OPRM1: variants seen among roughly 807,000 people sequenced by gnomAD.
OPRM1 encodes mu-type opioid receptor.
In OPRM1, 27 loss-of-function variants were observed where a neutral mutation model predicts 31.8. The observed-to-expected ratio is 0.85, with a 90% CI of 0.63 to 1.17. The LOEUF (loss-of-function observed/expected upper bound fraction) is 1.17. OPRM1 is among the 50% of genes most tolerant of loss of function. The pLI is 0.00. For missense variants in OPRM1, 536 were observed against 511.1 expected (o/e 1.05, Z -0.47); for synonymous variants, 196 against 189.9 (o/e 1.03, Z -0.26).
intron 3 of OPRM1, among the ~76,000 whole-genome samples, chr6:154,146,633 A>G (rs1798365020): frequency 6.6e-6 from 1 of 152,236 alleles, no homozygotes; most frequent in Non-Finnish European, 1.5e-5. Flanking sequence ...AAGTTAGGGA[A>G]AAGAGCATTT....
intron 1 of OPRM1, among the ~76,000 whole-genome samples, chr6:154,041,029 T>TA (rs1779950090): frequency 6.6e-6 from 1 of 152,182 alleles, no homozygotes; most frequent in Non-Finnish European, 1.5e-5. Flanking sequence ...CATATTTAGT[T>TA]ACAATGTTTG....
intron 1 of OPRM1, among the ~76,000 whole-genome samples, chr6:154,017,430 G>A (rs1778068773): frequency 6.6e-6 from 1 of 152,030 alleles, no homozygotes; most frequent in Non-Finnish European, 1.5e-5. Context: ...AATGGCACTG[G>A]GGCACAGGCG....
intron 3 of OPRM1, among the ~76,000 whole-genome samples, chr6:154,220,367 G>A (rs1041363318): frequency 1.3e-5 from 2 of 152,218 alleles, no homozygotes; most frequent in African/African-American, 4.8e-5. Flanking sequence ...GATTCAAACA[G>A]CCATTGTTGA....
chr6:154,195,791 ATTTTTTT>A (rs34769762), intron 3 of OPRM1, among the ~76,000 whole-genome samples: 1 of 130,572 alleles, frequency 7.7e-6, no homozygotes, highest in Admixed American at 7.5e-5. Context: ...CTTGTTCACA[ATTTTTTT>A]TTTTTTTTTT....
At chr6:154,230,415 A>C (rs905627543) in intron 3 of OPRM1, among the ~76,000 whole-genome samples, 6 of 152,248 alleles carry the variant, frequency 3.9e-5, no homozygotes, top group African/African-American at 1.2e-4. Flanking sequence ...AAATTAACTA[A>C]AACAGGACAT....
At chr6:154,222,466 A>C (rs1778941836) in intron 3 of OPRM1, among the ~76,000 whole-genome samples, 1 of 152,262 alleles carries the variant, frequency 6.6e-6, no homozygotes, top group Non-Finnish European at 1.5e-5. Flanking sequence ...CAAAGGTAGA[A>C]GAAATAATAA....
chr6:154,074,981 A>G (rs1236346258), intron 1 of OPRM1, among the ~76,000 whole-genome samples: 1 of 152,186 alleles, frequency 6.6e-6, no homozygotes, highest in Non-Finnish European at 1.5e-5. Context: ...AAGGGATGAG[A>G]CTGAACTGAT....
At chr6:154,079,342 A>G (rs1380993344) in intron 1 of OPRM1, among the ~76,000 whole-genome samples, 4 of 152,204 alleles carry the variant, frequency 2.6e-5, no homozygotes, top group African/African-American at 9.7e-5. Context: ...GAGGAGGTCA[A>G]TGGAGTTGGG....
rs982006676 is a variant in OPRM1 at position 154,123,953 on chromosome 6, C to T, written c.*5232C>T. Among the ~76,000 whole-genome samples the T allele has an allele frequency of 2.0e-5, 3 of 152,152 alleles. No homozygotes were observed. Among genetic ancestry groups the T allele is most frequent in the African/African-American group, 7.2e-5 (3 of 41,430 alleles). On this transcript the variant is annotated 3_prime_UTR_variant, in exon 4 of 4. Transcript: ENST00000330432. Reference sequence around the variant, plus strand: ...GCCAACCTCCTATCTCTTCCTGTGACTTGGAATGCCTAACCTCCTGGGAAT... The same window carrying T: ...GCCAACCTCCTATCTCTTCCTGTGATTTGGAATGCCTAACCTCCTGGGAAT...
At chr6:154,226,338 C>G (rs761405447) in intron 3 of OPRM1, among the ~76,000 whole-genome samples, 16 of 152,288 alleles carry the variant, frequency 1.1e-4, no homozygotes, top group Admixed American at 7.8e-4. Context: ...TTCCCATGGG[C>G]CCCGCAAGAG....
chr6:154,110,089 C>G (rs1796177757), intron 3 of OPRM1, among the ~76,000 whole-genome samples: 1 of 152,156 alleles, frequency 6.6e-6, no homozygotes, highest in African/African-American at 2.4e-5. Flanking sequence ...TTGTTGAACT[C>G]TTATTCTTAC....
At chr6:154,186,524 G>A (rs969279684) in intron 3 of OPRM1, among the ~76,000 whole-genome samples, 5 of 151,944 alleles carry the variant, frequency 3.3e-5, no homozygotes, top group African/African-American at 4.8e-5. Flanking sequence ...CCTCATGTCC[G>A]TGCACGGAGC....
rs58367883 is a variant in OPRM1, at chr6:154,144,748, C to CAAA, written c.1164+53298_1164+53300dup. On this transcript the variant is annotated intron_variant, in intron 3 of 3. Coordinates refer to the OPRM1 transcript ENST00000337049. ...GAGCAACAAGAGCGAGACTCTGTCT[C>CAAA]AAAAAAAAAAAAAAAAAAAAAAAAG... is the stretch of plus-strand genomic sequence containing the variant. Among the ~76,000 whole-genome samples, 82 of 70,442 alleles carry CAAA rather than the reference C, an allele frequency of 1.2e-3. 1 individual carries two copies. The highest frequency in any genetic ancestry group is 2.3e-3 in the African/African-American group (45 of 19,176). The allele number at this position is 70,442 out of a possible 152,430, so 46.2% of individuals were successfully genotyped here. A position where few individuals can be genotyped will look rare whatever the true frequency, so the allele number is the denominator to read the frequency against.
chr6:154,221,363 T>C, intron 3 of OPRM1: 1 of 1,523,756 alleles, frequency 6.6e-7, no homozygotes, highest in Non-Finnish European at 9.1e-7. Flanking sequence ...CATAAAAAAT[T>C]AGTGTTTATA....
downstream of OPRM1, among the ~76,000 whole-genome samples, chr6:154,134,868 A>G (rs1039630086): frequency 2.6e-5 from 4 of 152,286 alleles, no homozygotes; most frequent in African/African-American, 7.2e-5. Flanking sequence ...AGGGAAAATG[A>G]GAATAGTAGT....
chr6:154,032,379 A>G (rs949194720), intron 1 of OPRM1, among the ~76,000 whole-genome samples: 5 of 152,184 alleles, frequency 3.3e-5, no homozygotes, highest in Non-Finnish European at 7.3e-5. Flanking sequence ...TGTCACACCA[A>G]TTGCCTGTGA....
intron 3 of OPRM1, among the ~76,000 whole-genome samples, chr6:154,094,872 T>C (rs1024843751): frequency 3.9e-5 from 6 of 152,188 alleles, no homozygotes; most frequent in Non-Finnish European, 8.8e-5. Context: ...GAGCGAATAA[T>C]TATGACCACT....
intron 3 of OPRM1, among the ~76,000 whole-genome samples, chr6:154,180,823 G>A (rs1800809044): frequency 6.6e-6 from 1 of 152,060 alleles, no homozygotes; most frequent in South Asian, 2.1e-4. Flanking sequence ...TTTCAGATTA[G>A]GAATGTCTAA....
intron 3 of OPRM1, among the ~76,000 whole-genome samples, chr6:154,100,468 T>C (rs1794669298): frequency 6.6e-6 from 1 of 151,646 alleles, no homozygotes. Context: ...CATCTTGTCT[T>C]TCTATAACAT....
Sources: gnomAD v4.1 joint callset for allele counts (sites outside exome capture counted in the v4.1 genomes callset) on GRCh38, gnomAD v4.1.1 for gene constraint, MANE v1.5 for transcripts, NCBI Gene and HGNC (gene_info 2026-07-23, HGNC 2026-07-21) for gene names.